MAP2K6: variants seen among roughly 807,000 people sequenced by gnomAD.
MAP2K6 encodes the protein dual specificity mitogen-activated protein kinase kinase 6.
In MAP2K6, 16 loss-of-function variants were observed where a neutral mutation model predicts 53.7. The ratio of observed to expected loss-of-function variants is 0.30; its 90% CI spans 0.20 to 0.45. The LOEUF (loss-of-function observed/expected upper bound fraction) is 0.45. Ranked by LOEUF, MAP2K6 falls within the 20% of genes least tolerant of loss-of-function variation. MAP2K6 has a pLI of 1.00. For missense variants in MAP2K6, 204 were observed against 411.9 expected (o/e 0.50, Z 4.37); for synonymous variants, 132 against 143.1 (o/e 0.92, Z 0.55).
chr17:69,445,186 G>A (rs1470859822), intron 1 of MAP2K6, among the ~76,000 whole-genome samples: 2 of 152,192 alleles, frequency 1.3e-5, no homozygotes, highest in African/African-American at 4.8e-5. Context: ...CTCCCAAAGT[G>A]CTGAGATTAC....
chr17:69,476,563 A>G (rs1354731744), intron 1 of MAP2K6, among the ~76,000 whole-genome samples: 5 of 152,180 alleles, frequency 3.3e-5, no homozygotes, highest in African/African-American at 1.2e-4. Context: ...GGTCTGAAGC[A>G]ATGTTGTGTG....
chr17:69,502,254 G>A, intron 1 of MAP2K6: 1 of 985,456 alleles, frequency 1.0e-6, no homozygotes, highest in South Asian at 4.7e-5. Flanking sequence ...AGGGGGTGGA[G>A]TCTGTTCAGT....
At chr17:69,459,709 CAAAAAAAAAAAAAA>C (rs71144694) in intron 1 of MAP2K6, among the ~76,000 whole-genome samples, 1 of 55,918 alleles carries the variant, frequency 1.8e-5, no homozygotes, top group East Asian at 7.3e-4. Flanking sequence ...GACTCTGTCT[CAAAAAAAAAAAAAA>C]AAAAAAAAAA....
At chr17:69,496,068 A>T (rs771360270) in intron 1 of MAP2K6, among the ~76,000 whole-genome samples, 8 of 151,624 alleles carry the variant, frequency 5.3e-5, no homozygotes, top group Non-Finnish European at 1.2e-4. Context: ...ATGACATAAA[A>T]GGTCTACTAG....
chr17:69,419,769 A>G (rs1331778108), intron 1 of MAP2K6, among the ~76,000 whole-genome samples: 4 of 152,292 alleles, frequency 2.6e-5, no homozygotes, highest in Admixed American at 2.6e-4. Context: ...TCCACTAAAA[A>G]TACAAAAATT....
At chr17:69,541,436 T>TA (rs377427319) in intron 11 of MAP2K6, among the ~76,000 whole-genome samples, 11 of 151,814 alleles carry the variant, frequency 7.2e-5, no homozygotes, top group African/African-American at 2.2e-4. Context: ...CACTTTTTTT[T>TA]AAAATTTAAT....
chr17:69,489,630 C>T (rs1029616471), intron 1 of MAP2K6, among the ~76,000 whole-genome samples: 2 of 152,164 alleles, frequency 1.3e-5, no homozygotes, highest in African/African-American at 4.8e-5. Flanking sequence ...TTAAGGGTTA[C>T]GTGAGGATCT....
intron 2 of MAP2K6, among the ~76,000 whole-genome samples, chr17:69,509,365 A>G (rs72855566): frequency 0.035 from 5,282 of 152,210 alleles, 263 homozygotes; most frequent in African/African-American, 0.1. Flanking sequence ...TTTTAAGTGG[A>G]ATTTGATTTG....
intron 1 of MAP2K6, among the ~76,000 whole-genome samples, chr17:69,466,747 G>A (rs770347290): frequency 3.9e-5 from 6 of 152,284 alleles, no homozygotes; most frequent in East Asian, 1.9e-4. Flanking sequence ...GAGCAGCCTC[G>A]GTTTCCTCAT....
chr17:69,468,858 C>T (rs904211242), intron 1 of MAP2K6, among the ~76,000 whole-genome samples: 1 of 152,084 alleles, frequency 6.6e-6, no homozygotes, highest in African/African-American at 2.4e-5. Context: ...CAACAAAAGG[C>T]GGGTTGAACA....
chr17:69,501,419 G>A (rs1252837849), intron 1 of MAP2K6, among the ~76,000 whole-genome samples: 3 of 152,274 alleles, frequency 2.0e-5, no homozygotes, highest in Admixed American at 6.5e-5. Context: ...AAGACCTCTC[G>A]TGTACCCCAT....
chr17:69,535,626 G>T (rs947812885), intron 10 of MAP2K6, among the ~76,000 whole-genome samples: 18 of 152,228 alleles, frequency 1.2e-4, no homozygotes, highest in African/African-American at 4.3e-4. Context: ...GGGGTTTATT[G>T]CTTCTATCTC....
intron 1 of MAP2K6, among the ~76,000 whole-genome samples, chr17:69,444,802 T>G (rs1196110134): frequency 6.6e-6 from 1 of 152,200 alleles, no homozygotes; most frequent in Non-Finnish European, 1.5e-5. Flanking sequence ...TAAAAGGGAA[T>G]GAAGATGGCA....
At chr17:69,468,189 A>G (rs1263439974) in intron 1 of MAP2K6, among the ~76,000 whole-genome samples, 1 of 152,178 alleles carries the variant, frequency 6.6e-6, no homozygotes, top group African/African-American at 2.4e-5. Context: ...CTATTTCCCT[A>G]GAAGGACCTT....
intron 1 of MAP2K6, among the ~76,000 whole-genome samples, chr17:69,424,159 A>C (rs987921661): frequency 6.6e-6 from 1 of 152,170 alleles, no homozygotes; most frequent in African/African-American, 2.4e-5. Flanking sequence ...TCTTTTGAGG[A>C]CGAATATTCT....
intron 1 of MAP2K6, among the ~76,000 whole-genome samples, chr17:69,438,218 G>A (rs2145145727): frequency 6.6e-6 from 1 of 152,340 alleles, no homozygotes; most frequent in Non-Finnish European, 1.5e-5. Flanking sequence ...AAAAAGCATT[G>A]CATTGAGTAG....
intron 1 of MAP2K6, among the ~76,000 whole-genome samples, chr17:69,491,815 T>A (rs1160183566): frequency 5.3e-5 from 8 of 151,622 alleles, no homozygotes; most frequent in South Asian, 2.1e-4. Context: ...GTGGTTTTGA[T>A]TTGATTCAGA....
intron 1 of MAP2K6, among the ~76,000 whole-genome samples, chr17:69,425,375 C>T (rs1407932866): frequency 6.6e-6 from 1 of 151,730 alleles, no homozygotes; most frequent in Non-Finnish European, 1.5e-5. Flanking sequence ...TACAGTGGTG[C>T]TATCTCAGCT....
intron 2 of MAP2K6, among the ~76,000 whole-genome samples, chr17:69,510,308 T>G (rs895291326): frequency 6.6e-6 from 1 of 152,184 alleles, no homozygotes; most frequent in Non-Finnish European, 1.5e-5. Context: ...TGAATCCCAG[T>G]TAGTTATGGT....
Sources: gnomAD v4.1 joint callset for allele counts (sites outside exome capture counted in the v4.1 genomes callset) on GRCh38, gnomAD v4.1.1 for gene constraint, MANE v1.5 for transcripts, NCBI Gene and HGNC (gene_info 2026-07-23, HGNC 2026-07-21) for gene names.